SERPINA12: variants seen among roughly 807,000 people sequenced by gnomAD.
The protein encoded by SERPINA12 is serpin A12.
SERPINA12 carries 21 observed loss-of-function variants against 25.9 expected under a neutral mutation model. That is an observed-to-expected ratio of 0.81 (90% confidence interval 0.58 to 1.17). SERPINA12 has a LOEUF of 1.17. Ranked by LOEUF, SERPINA12 falls within the 50% of genes most tolerant of loss-of-function variation. SERPINA12 has a pLI of 0.00. For synonymous variants in SERPINA12, 220 were observed against 196.0 expected (o/e 1.12, Z -1.02); for missense variants, 562 against 508.3 (o/e 1.11, Z -1.02).
upstream of SERPINA12, among the ~76,000 whole-genome samples, chr14:94,514,012 G>T (rs1370467632): frequency 1.3e-5 from 2 of 152,036 alleles, no homozygotes; most frequent in African/African-American, 4.8e-5. Flanking sequence ...GACTCCCAAG[G>T]CCACCCCACA....
upstream of SERPINA12, among the ~76,000 whole-genome samples, chr14:94,514,104 T>C (rs1901173196): frequency 1.3e-5 from 2 of 152,234 alleles, no homozygotes; most frequent in South Asian, 4.1e-4. Context: ...GCTGAGATAA[T>C]TCGTGCAAAG....
At chr14:94,499,463 T>C (rs890696052) in intron 1 of SERPINA12, among the ~76,000 whole-genome samples, 1 of 152,244 alleles carries the variant, frequency 6.6e-6, no homozygotes, top group Non-Finnish European at 1.5e-5. Flanking sequence ...AAAAAGCTTA[T>C]TGATTTCTCT....
chr14:94,488,073 A>T lies in SERPINA12; in HGVS notation c.1054-579T>A, dbSNP rs188471189. ...AAAATTCTCACAATTTTACTTGCAG[A>T]AAACAGGACAGTATCCTGTGTTACA... is the stretch of plus-strand genomic sequence containing the variant. On this transcript the variant is annotated intron_variant, in intron 4 of 4. Transcript: ENST00000677451. Among the ~76,000 whole-genome samples the T allele has an allele frequency of 2.6e-5, 4 of 152,344 alleles. No individual in the cohort carries two copies. The East Asian group carries it at 7.7e-4, about 29-fold the overall frequency.
At chr14:94,504,260 GC>G (rs985453705) in intron 1 of SERPINA12, 2 of 152,196 alleles carry the variant, frequency 1.3e-5, no homozygotes, top group African/African-American at 4.8e-5. Context: ...GGTGATGGAG[GC>G]TTTGGAAGCA....
rs1298285876 is a variant in SERPINA12 at position 94,498,364 on chromosome 14, C to A, written c.34G>T (p.Ala12Ser). ...NPTLGLAIFLAVLLTVKGLLK... is the reference protein window; with the variant it reads ...NPTLGLAIFLSVLLTVKGLLK... ...AGACCTTTCACCGTGAGGAGAACAG[C>A]CAGAAAAATGGCCAGGCCTAGTGTG... Residue 12 changes from alanine to serine, a missense_variant, in exon 2 of 5, where the codon GCT becomes TCT. Ala to Ser is a moderately conservative substitution (Grantham distance 99). Transcript: ENST00000677451. 6.2e-7 allele frequency: 1 copy of A among 1,613,874 alleles called. No individual in the cohort carries two copies. Among genetic ancestry groups the A allele is most frequent in the Non-Finnish European group, 8.5e-7 (1 of 1,179,924 alleles).
chr14:94,504,174 T>G (rs1463970825), intron 1 of SERPINA12: 1 of 152,214 alleles, frequency 6.6e-6, no homozygotes, highest in African/African-American at 2.4e-5. Context: ...GCATCTGCCT[T>G]TCTTGCTTTA....
chr14:94,501,776 G>A (rs1377836794), intron 1 of SERPINA12, among the ~76,000 whole-genome samples: 2 of 150,546 alleles, frequency 1.3e-5, no homozygotes, highest in Admixed American at 6.7e-5. Flanking sequence ...CGGGCCTCCT[G>A]CCCTGGCTCC....
chr14:94,489,242 GAGAGAGAA>G (rs775927436), intron 4 of SERPINA12, among the ~76,000 whole-genome samples: 66 of 151,774 alleles, frequency 4.3e-4, no homozygotes, highest in Middle Eastern at 3.4e-3. Context: ...GAAAGAAAGA[GAGAGAGAA>G]AGAGAGAAAG....
At chr14:94,517,156 C>A (rs1901256375) in intron 1 of SERPINA12, among the ~76,000 whole-genome samples, 1 of 152,182 alleles carries the variant, frequency 6.6e-6, no homozygotes, top group African/African-American at 2.4e-5. Context: ...GTGTCACTTC[C>A]TCACTCTATC....
chr14:94,487,517 C>A, intron 4 of SERPINA12, 23 bp from the exon 5 acceptor site: 1 of 1,581,520 alleles, frequency 6.3e-7, no homozygotes. Context: ...AGGGCAAAGT[C>A]AAGGTCTGCC....
intron 1 of SERPINA12, among the ~76,000 whole-genome samples, chr14:94,501,480 T>A (rs1313941789): frequency 6.6e-6 from 1 of 152,178 alleles, no homozygotes; most frequent in Non-Finnish European, 1.5e-5. Flanking sequence ...CAAGAACGGA[T>A]TATGGAATTC....
chr14:94,508,590 T>G (rs1480411624), intron 1 of SERPINA12, among the ~76,000 whole-genome samples: 3 of 152,176 alleles, frequency 2.0e-5, no homozygotes, highest in African/African-American at 7.2e-5. Flanking sequence ...ACTTCCTAAG[T>G]GTGATACACA....
intron 3 of SERPINA12, among the ~76,000 whole-genome samples, chr14:94,494,059 C>G (rs1054351889): frequency 5.3e-5 from 8 of 152,096 alleles, no homozygotes; most frequent in Admixed American, 2.6e-4. Context: ...TGAGTTCCAG[C>G]AAATCAACTG....
chr14:94,511,822 C>T (rs549679174), upstream of SERPINA12: 38 of 681,232 alleles, frequency 5.6e-5, no homozygotes, highest in African/African-American at 7.2e-4. Flanking sequence ...AAGGGACAGA[C>T]ACTGGGGGGT....
chr14:94,501,658 A>ACC (rs1566812457), intron 1 of SERPINA12, among the ~76,000 whole-genome samples: 3 of 83,316 alleles, frequency 3.6e-5, no homozygotes, highest in African/African-American at 2.6e-4. Flanking sequence ...CACTGCCACC[A>ACC]CCTCCCCGCC....
upstream of SERPINA12, among the ~76,000 whole-genome samples, chr14:94,512,082 T>C (rs1901125994): frequency 6.6e-6 from 1 of 151,272 alleles, no homozygotes; most frequent in South Asian, 2.1e-4. Flanking sequence ...TGGGTGACAG[T>C]GATACTCCAT....
At chr14:94,501,987 C>T (rs1435129928) in intron 1 of SERPINA12, among the ~76,000 whole-genome samples, 3 of 151,080 alleles carry the variant, frequency 2.0e-5, no homozygotes, top group African/African-American at 7.3e-5. Flanking sequence ...GGTTGCTCTC[C>T]TGAGTTGAGC....
At chr14:94,498,741 C>T (rs541143930) in intron 1 of SERPINA12, among the ~76,000 whole-genome samples, 30 of 152,294 alleles carry the variant, frequency 2.0e-4, no homozygotes, top group African/African-American at 5.5e-4. Flanking sequence ...GAGGATACCC[C>T]GTAGTGTAGG....
In SERPINA12 at chr14:94,497,955, C is replaced by T. The variant is rs768636278; in HGVS notation, c.443G>A (p.Arg148His). The stretch of plus-strand genomic sequence containing the variant: ...GTTCTTGGCATCTTCCAAAAACTTA[C>T]GCTGTGGCTGCAGCCTCTGGTCAAT... The part of the protein sequence containing the change: ...LFIDQRLQPQ[R>H]KFLEDAKNFY... Residue 148 changes from arginine to histidine, a missense_variant, in exon 2 of 5, where the codon CGT becomes CAT. By Grantham distance (29) the Arg-to-His change is conservative. Transcript: ENST00000677451. The T allele has an allele frequency of 2.5e-5, 41 of 1,614,048 alleles. No homozygotes were observed. The highest frequency in any genetic ancestry group is 1.2e-4 in the South Asian group (11 of 91,084).
Sources: allele counts gnomAD v4.1 joint callset (sites outside exome capture counted in the v4.1 genomes callset), GRCh38; gene constraint gnomAD v4.1.1; transcripts MANE v1.5; gene names NCBI Gene and HGNC (gene_info 2026-07-23, HGNC 2026-07-21).